The following CSF2RB variants were observed in gnomAD, a reference collection of about 807,000 sequenced individuals.
The protein encoded by CSF2RB is colony stimulating factor 2 receptor subunit beta, also known as cytokine receptor common subunit beta.
A neutral mutation model predicts 67.2 loss-of-function variants in CSF2RB; 22 were observed. That is an observed-to-expected ratio of 0.33 (90% CI 0.23 to 0.47). The LOEUF is 0.47. CSF2RB is among the 20% of genes least tolerant of loss of function. CSF2RB has a pLI of 1.00. For synonymous variants in CSF2RB, 507 were observed against 482.9 expected (o/e 1.05, Z -0.65); for missense variants, 1,113 against 1,174.5 (o/e 0.95, Z 0.76).
Position 36,935,623 on chromosome 22 carries a change from C to T in CSF2RB, c.1407-7C>T, listed in dbSNP as rs772891256. The T allele has an allele frequency of 1.2e-5, 20 of 1,614,122 alleles. No homozygotes were observed. Among genetic ancestry groups the T allele is most frequent in the Non-Finnish European group, 1.5e-5 (18 of 1,180,052 alleles). Reference sequence around the variant, plus strand: ...CTGATGGCTGTCACCTCCGTGGTGTCTTCCAGGCTGCGCAGAAAGTGGGAG... The same window carrying T: ...CTGATGGCTGTCACCTCCGTGGTGTTTTCCAGGCTGCGCAGAAAGTGGGAG... On this transcript the variant is annotated splice_region_variant and splice_polypyrimidine_tract_variant and intron_variant, in intron 11 of 13. Coordinates refer to ENST00000403662, the MANE Select transcript of CSF2RB (RefSeq NM_000395.3).
chr22:36,932,077 C>T (rs1941156036), intron 8 of CSF2RB, among the ~76,000 whole-genome samples: 1 of 152,156 alleles, frequency 6.6e-6, no homozygotes, highest in Non-Finnish European at 1.5e-5. Flanking sequence ...ATAGTACCCA[C>T]CATATAGGGC....
Position 36,938,030 on chromosome 22 carries a change from C to T in CSF2RB, c.2222C>T (p.Thr741Ile), listed in dbSNP as rs1490961696. Residue 741 changes from threonine to isoleucine, a missense_variant, in exon 14 of 14, where the codon ACC becomes ATC. By Grantham distance (89) the Thr-to-Ile change is moderately conservative. This residue lies in a region of CSF2RB where 554 missense variants were observed against 517.9 expected (regional missense o/e 1.07). Transcript: ENST00000403662. The part of the protein sequence containing the change: ...VPSLGLPSDQ[T>I]PSLCPGLASG... ...TCTCTGGGCCTCCCCTCAGACCAGA[C>T]CCCCAGCTTATGTCCTGGGCTGGCC... 6 of 1,614,114 alleles carry T rather than the reference C, an allele frequency of 3.7e-6. 1 individual carries two copies. Among genetic ancestry groups the T allele is most frequent in the East Asian group, 4.5e-5 (2 of 44,870 alleles).
Position 36,938,494 on chromosome 22 carries a change from G to A in CSF2RB, c.2686G>A (p.Val896Met), listed in dbSNP as rs1941324865. Residue 896 changes from valine (V) to methionine (M), a missense_variant, in exon 14 of 14, where the codon GTG becomes ATG. Physicochemically the swap from Val to Met is conservative, Grantham distance 21. Around this residue, in one of 2 missense-constraint regions of CSF2RB, gnomAD observed 554 missense variants for 517.9 expected, o/e 1.07. Coordinates refer to ENST00000403662, the MANE Select transcript of CSF2RB (RefSeq NM_000395.3). ...TTGGGAGGTCAACAAGCCTGGGGAGGTGTGTTGAGACCCCCAGGCCTAGAC... is the reference window on the plus strand; with the variant it reads ...TTGGGAGGTCAACAAGCCTGGGGAGATGTGTTGAGACCCCCAGGCCTAGAC... ...PPWEVNKPGE[V>M]C The A allele has an allele frequency of 6.2e-7, 1 of 1,612,670 alleles. No individual in the cohort carries two copies. Among genetic ancestry groups the A allele is most frequent in the African/African-American group, 1.3e-5 (1 of 74,898 alleles).
Position 36,932,932 on chromosome 22 carries a change from A to T in CSF2RB, c.1152+28A>T, listed in dbSNP as rs762992252. ...GAGGGCCTTTGCCCAGGGAGGGGAG[A>T]AACACTGGGGAGGGCGGGAGAAGGG... On this transcript the variant is annotated intron_variant, in intron 9 of 13. Transcript: ENST00000403662. 15 of 1,612,814 alleles carry T rather than the reference A, an allele frequency of 9.3e-6. No individual in the cohort carries two copies. In the East Asian group the frequency reaches 3.3e-4, roughly 36 times the overall value.
Position 36,938,882 on chromosome 22 carries a change from C to A in CSF2RB, c.*380C>A. The A allele has an allele frequency of 1.8e-6, 1 of 565,566 alleles. No individual in the cohort carries two copies. Among genetic ancestry groups the A allele is most frequent in the South Asian group, 2.5e-5 (1 of 40,532 alleles). The allele number at this position is 565,566 out of a possible 1,614,324, so 35.0% of individuals were successfully genotyped here. A position where few individuals can be genotyped will look rare whatever the true frequency, so the allele number is the denominator to read the frequency against. ...TTTATTATGAGAGTGGGGCTGAGGT[C>A]TGAGCTGAGCCTTATCAGACTGAGA... On this transcript the variant is annotated 3_prime_UTR_variant, in exon 14 of 14. Coordinates refer to ENST00000403662, the MANE Select transcript of CSF2RB (RefSeq NM_000395.3).
At chr22:36,918,180 T>C (rs906129987) in intron 1 of CSF2RB, among the ~76,000 whole-genome samples, 14 of 152,316 alleles carry the variant, frequency 9.2e-5, no homozygotes, top group African/African-American at 1.2e-4. Context: ...GATTTTTTTT[T>C]CCTGAAATAT....
chr22:36,922,169 C>G lies in CSF2RB; in HGVS notation c.-39C>G. ...CTGTCATGCCCATGGCCAGCACCCA[C>G]CAGTGCTGGTGCCTGCCTGTCCAGA... is the stretch of plus-strand genomic sequence containing the variant. On this transcript the variant is annotated 5_prime_UTR_variant, in exon 2 of 14. Transcript: ENST00000403662. 6.5e-7 allele frequency: 1 copy of G among 1,532,698 alleles called. No individual in the cohort carries two copies. Among genetic ancestry groups the G allele is most frequent in the South Asian group, 1.2e-5 (1 of 84,032 alleles). The allele number at this position is 1,532,698 out of a possible 1,614,324, so 94.9% of individuals were successfully genotyped here.
At position 36,922,473 on chromosome 22, in the gene CSF2RB, T is replaced by C. The variant is rs2075941; in HGVS notation, c.76+190T>C. ...CCTGCACATTCCTGCTCATCCTGTC[T>C]TGGAAAGTCCAGCTGAGCGTGTCTG... On this transcript the variant is annotated intron_variant, in intron 2 of 13. Coordinates refer to ENST00000403662, the MANE Select transcript of CSF2RB (RefSeq NM_000395.3). 0.5 allele frequency: 312,099 copies of C among 628,008 alleles called. 81,872 individuals are homozygous for C. The highest frequency in any genetic ancestry group is 0.63 in the Admixed American group (26,006 of 41,608). The allele number at this position is 628,008 out of a possible 1,614,324, so 38.9% of individuals were successfully genotyped here.
At chr22:36,934,685 C>A (rs1387452632) in intron 10 of CSF2RB, among the ~76,000 whole-genome samples, 2 of 152,198 alleles carry the variant, frequency 1.3e-5, no homozygotes. Flanking sequence ...ACCACAGTGA[C>A]CACCAGGCGA....
At position 36,929,485 on chromosome 22, in the gene CSF2RB, C is replaced by A. The variant is rs1234729832; in HGVS notation, c.475C>A (p.Pro159Thr). ...GACCTGGAGTGTGGCCCTTGGGAGT[C>A]CCCAGAGCCACTGGTTGTCCCCAGG... is the stretch of plus-strand genomic sequence containing the variant. ...LLTWSVALGS[P>T]QSHWLSPGDL... is the part of the protein sequence containing the mutation. The change falls in exon 5 of 14, where the codon CCC (proline) becomes ACC (threonine). Residue 159 changes from proline to threonine, a missense_variant. Pro to Thr is a conservative substitution (Grantham distance 38). Coordinates refer to ENST00000403662, the MANE Select transcript of CSF2RB (RefSeq NM_000395.3). 2.5e-6 allele frequency: 4 copies of A among 1,614,074 alleles called. No individual in the cohort carries two copies. The highest frequency in any genetic ancestry group is 3.4e-6 in the Non-Finnish European group (4 of 1,180,036).
chr22:36,935,096 T>G (rs969500296), intron 10 of CSF2RB, among the ~76,000 whole-genome samples: 8 of 152,180 alleles, frequency 5.3e-5, no homozygotes, highest in Non-Finnish European at 1.0e-4. Flanking sequence ...TAGCACCTCC[T>G]GTGCTATAGA....
chr22:36,932,903 A>G lies in CSF2RB; in HGVS notation c.1151A>G (p.Lys384Arg). 1 of 1,614,018 alleles carries G rather than the reference A, an allele frequency of 6.2e-7. No homozygotes were observed. Among genetic ancestry groups the G allele is most frequent in the Non-Finnish European group, 8.5e-7 (1 of 1,179,990 alleles). The change falls in exon 9 of 14, where the codon AAG (lysine) becomes AGG (arginine). Residue 384 changes from lysine (K) to arginine (R), a missense_variant and splice_region_variant. Physicochemically the swap from Lys to Arg is conservative, Grantham distance 26. This residue lies in a region of CSF2RB where 559 missense variants were observed against 656.5 expected (regional missense o/e 0.85). Transcript: ENST00000403662. Reference protein sequence around the residue: ...IQYRKDTATWKDSKTETLQNA... With the variant: ...IQYRKDTATWRDSKTETLQNA... Reference sequence around the variant, plus strand: ...TACAGGAAAGACACGGCCACGTGGAAGGTGAGGGCCTTTGCCCAGGGAGGG... The same window carrying G: ...TACAGGAAAGACACGGCCACGTGGAGGGTGAGGGCCTTTGCCCAGGGAGGG...
rs113574555 is a variant in CSF2RB, at chr22:36,925,741, C to A, written c.201-246C>A. ...TGCCTCCCTGGCCCAGCCCTTCCTC[C>A]CTCCTCACCTGCTTCTTGCTTTATT... On this transcript the variant is annotated intron_variant, in intron 3 of 13. Transcript: ENST00000403662. Among the ~76,000 whole-genome samples, 814 of 152,280 alleles carry A rather than the reference C, an allele frequency of 5.3e-3. 5 individuals are homozygous for A. Among genetic ancestry groups the A allele is most frequent in the African/African-American group, 0.019 (781 of 41,550 alleles).
chr22:36,920,581 A>G (rs750913186), intron 1 of CSF2RB, among the ~76,000 whole-genome samples: 15 of 152,226 alleles, frequency 9.9e-5, no homozygotes, highest in Non-Finnish European at 2.1e-4. Context: ...ACAGTAGCCT[A>G]ACGGATGAGT....
chr22:36,929,502 G>T lies in CSF2RB; in HGVS notation c.492G>T (p.Leu164Phe). Reference sequence around the variant, plus strand: ...TTGGGAGTCCCCAGAGCCACTGGTTGTCCCCAGGGGATCTGGAGTTTGAGG... The same window carrying T: ...TTGGGAGTCCCCAGAGCCACTGGTTTTCCCCAGGGGATCTGGAGTTTGAGG... ...VALGSPQSHW[L>F]SPGDLEFEVV... Residue 164 changes from leucine (L) to phenylalanine (F), a missense_variant, in exon 5 of 14, where the codon TTG (leucine) becomes TTT (phenylalanine). This residue lies in a region of CSF2RB where 559 missense variants were observed against 656.5 expected (regional missense o/e 0.85). Transcript: ENST00000403662. The T allele has an allele frequency of 6.2e-7, 1 of 1,614,210 alleles. No individual in the cohort carries two copies. The highest frequency in any genetic ancestry group is 8.5e-7 in the Non-Finnish European group (1 of 1,180,038).
Position 36,939,117 on chromosome 22 carries a change from C to G in CSF2RB, c.*615C>G. The G allele has an allele frequency of 1.4e-6, 1 of 701,924 alleles. No homozygotes were observed. Among genetic ancestry groups the G allele is most frequent in the Non-Finnish European group, 2.6e-6 (1 of 384,610 alleles). The allele number at this position is 701,924 out of a possible 1,614,324, so 43.5% of individuals were successfully genotyped here. On this transcript the variant is annotated 3_prime_UTR_variant, in exon 14 of 14. Coordinates refer to ENST00000403662, the MANE Select transcript of CSF2RB (RefSeq NM_000395.3). The stretch of plus-strand genomic sequence containing the variant: ...CTCGATTGTCACTCCGAGAAATGGG[C>G]ATGGTATTGGGGGTCGGGGGGGCGG...
rs550250365 is a variant in CSF2RB at position 36,933,602 on chromosome 22, G to T, written c.1153-230G>T. 2.0e-5 allele frequency among the ~76,000 whole-genome samples: 3 copies of T among 152,348 alleles called. No individual in the cohort carries two copies. The South Asian group carries it at 6.2e-4, about 32-fold the overall frequency. ...GGTGGCTTCAGGGTTCTGGGCCTCAGTGTTGTCAATGTCAGGGGCTGCACT... is the reference window on the plus strand; with the variant it reads ...GGTGGCTTCAGGGTTCTGGGCCTCATTGTTGTCAATGTCAGGGGCTGCACT... On this transcript the variant is annotated intron_variant, in intron 9 of 13. Transcript: ENST00000403662.
At position 36,938,066 on chromosome 22, in the gene CSF2RB, C is replaced by G; in HGVS notation, c.2258C>G (p.Pro753Arg). Residue 753 changes from proline (P) to arginine (R), a missense_variant, in exon 14 of 14, where the codon CCT (proline) becomes CGT (arginine). Around this residue, in one of 2 missense-constraint regions of CSF2RB, gnomAD observed 554 missense variants for 517.9 expected, o/e 1.07. Coordinates refer to ENST00000403662, the MANE Select transcript of CSF2RB (RefSeq NM_000395.3). ...SLCPGLASGP[P>R]GAPGPVKSGF... ...TGTCCTGGGCTGGCCAGTGGACCCC[C>G]TGGAGCCCCAGGCCCTGTGAAGTCA... 4 of 1,614,152 alleles carry G rather than the reference C, an allele frequency of 2.5e-6. No homozygotes were observed. Among genetic ancestry groups the G allele is most frequent in the Non-Finnish European group, 3.4e-6 (4 of 1,180,008 alleles).
At chr22:36,924,380 A>G (rs1432161280) in intron 3 of CSF2RB, among the ~76,000 whole-genome samples, 1 of 151,840 alleles carries the variant, frequency 6.6e-6, no homozygotes, top group Non-Finnish European at 1.5e-5. Flanking sequence ...ACGGCCCCCA[A>G]GTCCCCACTC....
Sources: gnomAD v4.1 joint callset for allele counts (sites outside exome capture counted in the v4.1 genomes callset) on GRCh38, gnomAD v4.1.1 for gene constraint, gnomAD v4.1.1 regional missense constraint, MANE v1.5 for transcripts, NCBI Gene and HGNC (gene_info 2026-07-23, HGNC 2026-07-21) for gene names.